Variants in DENND5B observed in about 807,000 individuals in gnomAD.
The protein encoded by DENND5B is DENN domain-containing protein 5B.
A neutral mutation model predicts 140.6 loss-of-function variants in DENND5B; 34 were observed. That is an observed-to-expected ratio of 0.24 (90% CI 0.18 to 0.32). The LOEUF (loss-of-function observed/expected upper bound fraction) is 0.32, where lower values mean the gene tolerates loss of function less well. Ranked by LOEUF, DENND5B falls within the 10% of genes least tolerant of loss-of-function variation. DENND5B has a pLI of 1.00. For synonymous variants in DENND5B, 551 were observed against 562.1 expected (o/e 0.98, Z 0.28); for missense variants, 1,142 against 1,560.2 (o/e 0.73, Z 4.52).
chr12:31,569,785 C>G (rs1483902915), intron 1 of DENND5B, among the ~76,000 whole-genome samples: 1 of 152,096 alleles, frequency 6.6e-6, no homozygotes, highest in Non-Finnish European at 1.5e-5. Flanking sequence ...GCATTCCAGC[C>G]TGGGCAACAG....
chr12:31,536,048 C>A lies in DENND5B; in HGVS notation c.128-40129G>T, dbSNP rs138716919. Among the ~76,000 whole-genome samples, 1,464 of 152,210 alleles carry A rather than the reference C, an allele frequency of 9.6e-3. 27 individuals carry two copies. Among genetic ancestry groups the A allele is most frequent in the African/African-American group, 0.033 (1,387 of 41,536 alleles). ...TTAGAAGTGTGTAGCAGCTCTCCGC[C>A]CCTCTTCCTCCTGCTTCTAATCATG... On this transcript the variant is annotated intron_variant, in intron 1 of 20. Transcript: ENST00000389082.
intron 2 of DENND5B, among the ~76,000 whole-genome samples, chr12:31,481,676 G>A (rs908636311): frequency 6.6e-6 from 1 of 152,182 alleles, no homozygotes; most frequent in Non-Finnish European, 1.5e-5. Context: ...AGAATGCAAG[G>A]TGGGAGGACG....
chr12:31,586,792 AG>A (rs1265788369), intron 1 of DENND5B, among the ~76,000 whole-genome samples: 1 of 152,228 alleles, frequency 6.6e-6, no homozygotes, highest in Admixed American at 6.5e-5. Context: ...AAGACCTTCT[AG>A]AGGCACGGTG....
chr12:31,567,130 G>C (rs1447025180), intron 1 of DENND5B, among the ~76,000 whole-genome samples: 3 of 151,952 alleles, frequency 2.0e-5, no homozygotes, highest in Non-Finnish European at 2.9e-5. Flanking sequence ...TTGTTATTTA[G>C]GTTGACAAAC....
chr12:31,520,072 A>C (rs1435684243), intron 1 of DENND5B, among the ~76,000 whole-genome samples: 1 of 152,132 alleles, frequency 6.6e-6, no homozygotes, highest in Non-Finnish European at 1.5e-5. Flanking sequence ...ATAAATGAAA[A>C]CCCTCATAAA....
At chr12:31,455,770 C>A (rs1944745453) in intron 4 of DENND5B, among the ~76,000 whole-genome samples, 1 of 152,096 alleles carries the variant, frequency 6.6e-6, no homozygotes, top group East Asian at 1.9e-4. Flanking sequence ...GCCTGTAATC[C>A]CAGCACTTTG....
rs572812373 is a variant in DENND5B, at chr12:31,567,689, C to T, written c.127+23017G>A. 2.0e-5 allele frequency among the ~76,000 whole-genome samples: 3 copies of T among 151,564 alleles called. No individual in the cohort carries two copies. In the South Asian group the frequency reaches 6.3e-4, roughly 32 times the overall value. On this transcript the variant is annotated intron_variant, in intron 1 of 20. Coordinates refer to ENST00000389082, the MANE Select transcript of DENND5B (RefSeq NM_144973.4). Reference sequence around the variant, plus strand: ...AACCTTTTAGGGTGGTGCATACCTGCAGTCCCAGCTACTTGGGAGGCTGAG... The same window carrying T: ...AACCTTTTAGGGTGGTGCATACCTGTAGTCCCAGCTACTTGGGAGGCTGAG...
At chr12:31,579,643 T>C (rs1950144536) in intron 1 of DENND5B, among the ~76,000 whole-genome samples, 1 of 151,410 alleles carries the variant, frequency 6.6e-6, no homozygotes, top group South Asian at 2.1e-4. Context: ...CCTGGGTTTA[T>C]TTATTTATTT....
At position 31,433,167 on chromosome 12, in the gene DENND5B, G is replaced by A. The variant is rs1336679661; in HGVS notation, c.2094C>T (p.Asn698=). ...RQHSEHVGLD[N]DLREKYMQEA... ...GTAGACCACATACCTCCCTCAAGTC[G>A]TTGTCCAGCCCAACATGCTCAGAAT... The change falls in exon 8 of 21, where the codon AAC becomes AAT. Residue 698 remains asparagine, a synonymous_variant. Coordinates refer to ENST00000389082, the MANE Select transcript of DENND5B (RefSeq NM_144973.4). The A allele has an allele frequency of 1.2e-5, 20 of 1,613,716 alleles. No individual in the cohort carries two copies. The highest frequency in any genetic ancestry group is 2.7e-5 in the African/African-American group (2 of 74,866).
chr12:31,467,951 A>T (rs1945353925), intron 3 of DENND5B, among the ~76,000 whole-genome samples: 1 of 151,960 alleles, frequency 6.6e-6, no homozygotes, highest in Non-Finnish European at 1.5e-5. Flanking sequence ...AATAAATGAA[A>T]TTTTAAAAAT....
chr12:31,586,359 A>AGTACCTCTT (rs1279012474), intron 1 of DENND5B, among the ~76,000 whole-genome samples: 2 of 152,180 alleles, frequency 1.3e-5, no homozygotes, highest in African/African-American at 4.8e-5. Context: ...TCATGGGCAA[A>AGTACCTCTT]GTACCTCTTG....
intron 14 of DENND5B, among the ~76,000 whole-genome samples, chr12:31,406,118 T>C (rs1409519530): frequency 6.6e-6 from 1 of 152,090 alleles, no homozygotes; most frequent in Non-Finnish European, 1.5e-5. Flanking sequence ...AGTGCTAGGA[T>C]TACAGGTGTG....
chr12:31,403,598 AAAAAAAGAAAG>A (rs1014354976), intron 14 of DENND5B, among the ~76,000 whole-genome samples: 1 of 142,156 alleles, frequency 7.0e-6, no homozygotes, highest in Non-Finnish European at 1.5e-5. Context: ...GCCTCAGAAA[AAAAAAAGAAAG>A]AAAAAAGAAA....
chr12:31,395,942 C>CAAAAAAAAAAA (rs541816511), intron 17 of DENND5B, among the ~76,000 whole-genome samples: 1 of 91,820 alleles, frequency 1.1e-5, no homozygotes, highest in Admixed American at 1.3e-4. Flanking sequence ...ATCACTGGGC[C>CAAAAAAAAAAA]AAAAAAAAAA....
chr12:31,425,978 T>C (rs1386438937), intron 9 of DENND5B, among the ~76,000 whole-genome samples: 1 of 152,200 alleles, frequency 6.6e-6, no homozygotes, highest in Non-Finnish European at 1.5e-5. Flanking sequence ...AAGTGTTGCC[T>C]TTCACATAAG....
intron 2 of DENND5B, among the ~76,000 whole-genome samples, chr12:31,485,937 C>CTGAAA (rs1946289001): frequency 6.6e-6 from 1 of 152,216 alleles, no homozygotes; most frequent in Admixed American, 6.5e-5. Context: ...CAGATGATTT[C>CTGAAA]AGTCCTCAGA....
At chr12:31,443,694 C>T (rs907360218) in intron 6 of DENND5B, 9 of 152,092 alleles carry the variant, frequency 5.9e-5, no homozygotes, top group Non-Finnish European at 1.3e-4. Flanking sequence ...CTTCTTTATA[C>T]AAAGACCTAT....
Position 31,426,398 on chromosome 12 carries a change from T to C in DENND5B, c.2133A>G (p.Leu711=), listed in dbSNP as rs763366064. The C allele has an allele frequency of 6.2e-7, 1 of 1,612,312 alleles. No homozygotes were observed. Among genetic ancestry groups the C allele is most frequent in the East Asian group, 2.2e-5 (1 of 44,848 alleles). ...REKYMQEARS[L]GKNLRQPKLS... is the part of the protein sequence containing the mutation. ...GTTTGGGTTGCCTCAGGTTTTTTCC[T>C]AAACTTCGTGCCTCTTGCATATATT... Residue 711 remains leucine, a synonymous_variant, in exon 9 of 21, where the codon TTA becomes TTG. Transcript: ENST00000389082.
At chr12:31,403,699 C>T (rs566678656) in intron 14 of DENND5B, among the ~76,000 whole-genome samples, 2 of 150,880 alleles carry the variant, frequency 1.3e-5, no homozygotes, top group Non-Finnish European at 3.0e-5. Context: ...AGCTTGAGAC[C>T]AGGCTGACCA....
Sources: gnomAD v4.1 joint callset for allele counts (sites outside exome capture counted in the v4.1 genomes callset) on GRCh38, gnomAD v4.1.1 for gene constraint, MANE v1.5 for transcripts, NCBI Gene and HGNC (gene_info 2026-07-23, HGNC 2026-07-21) for gene names.